The following XPR1 variants were observed in gnomAD, a reference collection of about 807,000 sequenced individuals.
XPR1 encodes solute carrier family 53 member 1.
A neutral mutation model predicts 87.5 loss-of-function variants in XPR1; 28 were observed. That is an observed-to-expected ratio of 0.32 (90% confidence interval 0.24 to 0.44). XPR1 has a LOEUF of 0.44. Ranked by LOEUF, XPR1 falls within the 20% of genes least tolerant of loss-of-function variation. The pLI is 1.00. For missense variants in XPR1, 559 were observed against 862.3 expected, an observed-to-expected ratio of 0.65 and a Z score of 4.41; for synonymous variants, 300 against 306.1, an observed-to-expected ratio of 0.98 and a Z score of 0.21.
chr1:180,685,074 G>A (rs922484700), intron 2 of XPR1, among the ~76,000 whole-genome samples: 1 of 151,994 alleles, frequency 6.6e-6, no homozygotes, highest in African/African-American at 2.4e-5. Context: ...AGTTTTCAAA[G>A]GGAATGCTTC....
intron 2 of XPR1, among the ~76,000 whole-genome samples, chr1:180,724,355 A>G (rs191699316): frequency 6.6e-6 from 1 of 152,250 alleles, no homozygotes; most frequent in South Asian, 2.1e-4. Flanking sequence ...TTTAATTTTA[A>G]TTAATTTTTA....
chr1:180,810,151 A>T (rs1361497738), intron 6 of XPR1, among the ~76,000 whole-genome samples: 1 of 152,190 alleles, frequency 6.6e-6, no homozygotes, highest in Admixed American at 6.5e-5. Context: ...TTTAGAAAGC[A>T]GAAGTTTCAA....
intron 3 of XPR1, among the ~76,000 whole-genome samples, chr1:180,798,441 C>G (rs1447262108): frequency 6.6e-6 from 1 of 152,044 alleles, no homozygotes; most frequent in Non-Finnish European, 1.5e-5. Context: ...TTGTAAGAGA[C>G]AAAGTAAAAA....
intron 2 of XPR1, among the ~76,000 whole-genome samples, chr1:180,761,566 A>G (rs1191475765): frequency 1.3e-5 from 2 of 152,210 alleles, no homozygotes; most frequent in South Asian, 2.1e-4. Context: ...CAAAACCACA[A>G]TGAGATACCA....
chr1:180,638,698 T>C (rs1438577227), intron 1 of XPR1, among the ~76,000 whole-genome samples: 1 of 152,104 alleles, frequency 6.6e-6, no homozygotes, highest in African/African-American at 2.4e-5. Flanking sequence ...TATGTGTGTA[T>C]TTGGTTTTGT....
chr1:180,836,767 A>G lies in XPR1; in HGVS notation c.1501+51A>G, dbSNP rs371809099. The G allele has an allele frequency of 2.1e-5, 33 of 1,584,666 alleles. No individual in the cohort carries two copies. In the African/African-American group the frequency reaches 3.5e-4, roughly 17 times the overall value. ...ATTTTTTTAAACCTGGATTTTTACT[A>G]CCTGACTCTATTTCTTACTCTGGCT... On this transcript the variant is annotated intron_variant, in intron 11 of 14. Coordinates refer to ENST00000367590, the MANE Select transcript of XPR1 (RefSeq NM_004736.4).
At chr1:180,786,256 T>A (rs1277945430) in intron 2 of XPR1, among the ~76,000 whole-genome samples, 2 of 149,568 alleles carry the variant, frequency 1.3e-5, no homozygotes, top group Non-Finnish European at 3.0e-5. Flanking sequence ...TTAAAATATC[T>A]CTGGTACTAC....
chr1:180,769,426 T>G (rs1215457907), intron 2 of XPR1, among the ~76,000 whole-genome samples: 6 of 82,558 alleles, frequency 7.3e-5, no homozygotes, highest in Admixed American at 5.1e-4. Context: ...CCTCCCCCAC[T>G]ACCCTTCCCA....
rs1653149547 is a variant in XPR1 at position 180,890,233 on chromosome 1, TTCTC to T, written c.*6171_*6174del. 6.6e-6 allele frequency: 1 copy of T among 152,218 alleles called. No homozygotes were observed. The highest frequency in any genetic ancestry group is 1.5e-5 in the Non-Finnish European group (1 of 68,026). The allele number at this position is 152,218 out of a possible 1,614,324, so 9.4% of individuals were successfully genotyped here. ...TCTGTCCTTTTTTCATTATTACAAT[TTCTC>T]TCTGTTTTCCAACAGTTTGCTGACT... On this transcript the variant is annotated 3_prime_UTR_variant, in exon 15 of 15. Coordinates refer to ENST00000367590, the MANE Select transcript of XPR1 (RefSeq NM_004736.4).
rs2102230521 is a variant in XPR1 at position 180,883,583 on chromosome 1, C to T, written c.2031-423C>T. The stretch of plus-strand genomic sequence containing the variant: ...ACTTCGCCAAGCGTGGTGGCACATG[C>T]CTGTAATCCCAGCTACTCAGGAGGC... On this transcript the variant is annotated intron_variant, in intron 14 of 14. Coordinates refer to ENST00000367590, the MANE Select transcript of XPR1 (RefSeq NM_004736.4). Among the ~76,000 whole-genome samples, 4 of 152,198 alleles carry T rather than the reference C, an allele frequency of 2.6e-5. 1 individual carries two copies. In the Middle Eastern group the frequency reaches 0.01, roughly 388 times the overall value.
chr1:180,811,632 G>T, intron 7 of XPR1, 144 bp downstream of exon 7: 1 of 626,262 alleles, frequency 1.6e-6, no homozygotes, highest in East Asian at 3.1e-5. Context: ...CCTTATAAAT[G>T]TGGTTTTTTT....
intron 3 of XPR1, among the ~76,000 whole-genome samples, chr1:180,794,844 G>T (rs1198294706): frequency 6.6e-6 from 1 of 152,292 alleles, no homozygotes; most frequent in Non-Finnish European, 1.5e-5. Flanking sequence ...GGCTGAAGTT[G>T]TAAGATATTA....
chr1:180,715,881 C>T (rs1046076523), intron 2 of XPR1, among the ~76,000 whole-genome samples: 1 of 152,114 alleles, frequency 6.6e-6, no homozygotes, highest in Non-Finnish European at 1.5e-5. Flanking sequence ...CCGTGTTGCT[C>T]ACGCTGGTCT....
At chr1:180,735,050 T>C (rs370222016) in intron 2 of XPR1, among the ~76,000 whole-genome samples, 1 of 152,228 alleles carries the variant, frequency 6.6e-6, no homozygotes, top group African/African-American at 2.4e-5. Flanking sequence ...GACTTACTCA[T>C]AGGAATTGGT....
At chr1:180,753,684 A>G (rs1205251806) in intron 2 of XPR1, among the ~76,000 whole-genome samples, 1 of 150,964 alleles carries the variant, frequency 6.6e-6, no homozygotes, top group Non-Finnish European at 1.5e-5. Context: ...TCAGTTACTC[A>G]ATTATGTGAC....
At chr1:180,854,279 T>G (rs1420997809) in intron 11 of XPR1, among the ~76,000 whole-genome samples, 2 of 152,214 alleles carry the variant, frequency 1.3e-5, no homozygotes, top group African/African-American at 4.8e-5. Context: ...ACCAAATACA[T>G]AGGCTTCAGT....
chr1:180,767,791 G>T (rs1313090075), intron 2 of XPR1, among the ~76,000 whole-genome samples: 2 of 152,002 alleles, frequency 1.3e-5, no homozygotes, highest in Non-Finnish European at 2.9e-5. Context: ...ATTGTCATGA[G>T]GATTAGGAGC....
chr1:180,755,611 C>T (rs1270050966), intron 2 of XPR1, among the ~76,000 whole-genome samples: 1 of 152,166 alleles, frequency 6.6e-6, no homozygotes, highest in Non-Finnish European at 1.5e-5. Context: ...CTTCTGACAC[C>T]CACTTCCACA....
intron 1 of XPR1, among the ~76,000 whole-genome samples, chr1:180,662,965 G>C (rs1243629499): frequency 6.6e-6 from 1 of 152,082 alleles, no homozygotes; most frequent in Non-Finnish European, 1.5e-5. Flanking sequence ...CAGAATTTCT[G>C]CATGATTCTT....
Sources: allele counts gnomAD v4.1 joint callset (sites outside exome capture counted in the v4.1 genomes callset), GRCh38; gene constraint gnomAD v4.1.1; transcripts MANE v1.5; gene names NCBI Gene and HGNC (gene_info 2026-07-23, HGNC 2026-07-21).